The following NPEPPS variants were observed in gnomAD, a reference collection of about 807,000 sequenced individuals.
NPEPPS encodes puromycin-sensitive aminopeptidase.
A neutral mutation model predicts 115.5 loss-of-function variants in NPEPPS; 14 were observed. The observed-to-expected ratio is 0.12, with a 90% CI of 0.08 to 0.19. NPEPPS has a LOEUF of 0.19. Ranked by LOEUF, NPEPPS falls within the 10% of genes least tolerant of loss-of-function variation. The pLI is 1.00. For missense variants in NPEPPS, 523 were observed against 1,110.8 expected, an observed-to-expected ratio of 0.47 and a Z score of 7.52; for synonymous variants, 285 against 390.6, an observed-to-expected ratio of 0.73 and a Z score of 3.19.
At chr17:47,609,345 T>C (rs2143945006) in intron 17 of NPEPPS, among the ~76,000 whole-genome samples, 1 of 152,320 alleles carries the variant, frequency 6.6e-6, no homozygotes, top group South Asian at 2.1e-4. Context: ...CACTTTTCTT[T>C]CATGATGATA....
intron 19 of NPEPPS, among the ~76,000 whole-genome samples, chr17:47,617,620 TATTC>T (rs1189730622): frequency 5.6e-5 from 8 of 143,386 alleles, no homozygotes; most frequent in African/African-American, 1.3e-4. Flanking sequence ...ATAAGTACAG[TATTC>T]ATTTTCAATT....
chr17:47,531,988 T>C (rs552107332), intron 1 of NPEPPS, among the ~76,000 whole-genome samples: 29 of 152,236 alleles, frequency 1.9e-4, no homozygotes, highest in Non-Finnish European at 3.7e-4. Context: ...CTCAGTTCTT[T>C]CTTTGGTTTC....
chr17:47,606,109 T>G (rs921849927), intron 17 of NPEPPS, among the ~76,000 whole-genome samples: 7 of 152,178 alleles, frequency 4.6e-5, no homozygotes, highest in Admixed American at 1.3e-4. Context: ...ACCCCTGATC[T>G]CAGGTGATCC....
chr17:47,529,466 G>A (rs1242979911), upstream of NPEPPS, among the ~76,000 whole-genome samples: 3 of 148,030 alleles, frequency 2.0e-5, no homozygotes, highest in Admixed American at 6.8e-5. Flanking sequence ...GTGTAGTGGC[G>A]TGATCTTGGC....
intron 13 of NPEPPS, among the ~76,000 whole-genome samples, chr17:47,597,102 A>G (rs1912927083): frequency 6.6e-6 from 1 of 152,208 alleles, no homozygotes; most frequent in South Asian, 2.1e-4. Flanking sequence ...AACAGAATCA[A>G]ATGCAAATAG....
chr17:47,594,274 A>G (rs1912700574), intron 12 of NPEPPS, among the ~76,000 whole-genome samples: 1 of 152,246 alleles, frequency 6.6e-6, no homozygotes, highest in Non-Finnish European at 1.5e-5. Flanking sequence ...TACTATAGAT[A>G]TTATAAATAC....
intron 2 of NPEPPS, among the ~76,000 whole-genome samples, chr17:47,555,818 G>A (rs2143752888): frequency 6.6e-6 from 1 of 151,924 alleles, no homozygotes; most frequent in East Asian, 1.9e-4. Flanking sequence ...GGCCTACCAG[G>A]CTGGTCCAAG....
intron 3 of NPEPPS, 85 bp downstream of exon 3, chr17:47,569,579 T>C (rs1189346244): frequency 1.9e-5 from 15 of 793,348 alleles, no homozygotes; most frequent in Admixed American, 7.9e-5. Context: ...ATGCCATTTT[T>C]CCCCTCATTG....
intron 19 of NPEPPS, among the ~76,000 whole-genome samples, 169 bp downstream of exon 19, chr17:47,613,894 T>C (rs1220042525): frequency 7.3e-6 from 1 of 136,436 alleles, no homozygotes; most frequent in African/African-American, 3.1e-5. Context: ...ATATATGTTA[T>C]ATCAGTATTA....
At chr17:47,589,349 G>C (rs570946775) in intron 9 of NPEPPS, among the ~76,000 whole-genome samples, 2 of 152,090 alleles carry the variant, frequency 1.3e-5, no homozygotes, top group South Asian at 2.1e-4. Flanking sequence ...TCATCTTCCT[G>C]GGCTTATGTA....
At chr17:47,552,722 G>A (rs1311720732) in intron 2 of NPEPPS, among the ~76,000 whole-genome samples, 3 of 152,094 alleles carry the variant, frequency 2.0e-5, no homozygotes, top group African/African-American at 7.2e-5. Context: ...TAGAGGGAAC[G>A]TTTTATCTTC....
intron 17 of NPEPPS, among the ~76,000 whole-genome samples, chr17:47,611,364 G>A: frequency 6.6e-6 from 1 of 150,878 alleles, no homozygotes; most frequent in Non-Finnish European, 1.5e-5. Flanking sequence ...GAAGACTGAG[G>A]TAGAGAATTG....
chr17:47,578,837 A>C (rs1338017929), intron 3 of NPEPPS, among the ~76,000 whole-genome samples: 2 of 151,980 alleles, frequency 1.3e-5, no homozygotes, highest in Non-Finnish European at 2.9e-5. Context: ...AATTGGCTAC[A>C]TTTCTCTTTC....
chr17:47,544,084 C>T (rs1406644829), intron 1 of NPEPPS, among the ~76,000 whole-genome samples: 2 of 151,948 alleles, frequency 1.3e-5, no homozygotes, highest in South Asian at 2.1e-4. Context: ...TTAGTAGAGA[C>T]GGGGTTTCAC....
At chr17:47,585,118 C>T (rs372499287) in intron 5 of NPEPPS, among the ~76,000 whole-genome samples, 4 of 152,152 alleles carry the variant, frequency 2.6e-5, no homozygotes, top group African/African-American at 9.7e-5. Context: ...TGAGCCACCG[C>T]GCCTAGCCCC....
chr17:47,561,346 C>CAA (rs71365075), intron 2 of NPEPPS, among the ~76,000 whole-genome samples: 888 of 59,418 alleles, frequency 0.015, 24 homozygotes, highest in African/African-American at 0.027. Flanking sequence ...GACCCTGTCT[C>CAA]AAAAAAAAAA....
rs1914651778 is a variant in NPEPPS, at chr17:47,622,614, CACCCCCA to C, written c.*702_*708del. 3.6e-6 allele frequency: 1 copy of C among 280,888 alleles called. No homozygotes were observed. The highest frequency in any genetic ancestry group is 6.8e-6 in the Non-Finnish European group (1 of 147,592). 17.4% of individuals were successfully genotyped at this position (280,888 alleles called of 1,614,324 possible). A position where few individuals can be genotyped will look rare whatever the true frequency, so the allele number is the denominator to read the frequency against. On this transcript the variant is annotated 3_prime_UTR_variant, in exon 23 of 23. Coordinates refer to ENST00000322157, the MANE Select transcript of NPEPPS (RefSeq NM_006310.4). ...CTGGTTTTTTTCCTCCCTTTAGTTCCACCCCCAACCCCCATTCCCTGGTGTCCTTCTT... is the reference window on the plus strand; with the variant it reads ...CTGGTTTTTTTCCTCCCTTTAGTTCCACCCCCATTCCCTGGTGTCCTTCTT...
At chr17:47,599,804 T>G (rs1334894175) in intron 14 of NPEPPS, 65 bp downstream of exon 14, 1 of 1,286,640 alleles carries the variant, frequency 7.8e-7, no homozygotes, top group Non-Finnish European at 1.1e-6. Flanking sequence ...ACCAGTAGTA[T>G]TCCAACTAAT....
At position 47,555,103 on chromosome 17, in the gene NPEPPS, T is replaced by C. The variant is rs376118721; in HGVS notation, c.340+9110T>C. ...GCATTTCTTCATGTGCTCTATCCTA[T>C]TAACTTTATGGGTAACAAAATTATT... On this transcript the variant is annotated intron_variant, in intron 2 of 22. Transcript: ENST00000322157. Among the ~76,000 whole-genome samples, 9 of 152,326 alleles carry C rather than the reference T, an allele frequency of 5.9e-5. No homozygotes were observed. The South Asian group carries it at 1.5e-3, about 25-fold the overall frequency.
Sources: gnomAD v4.1 joint callset for allele counts (sites outside exome capture counted in the v4.1 genomes callset) on GRCh38, gnomAD v4.1.1 for gene constraint, MANE v1.5 for transcripts, NCBI Gene and HGNC (gene_info 2026-07-23, HGNC 2026-07-21) for gene names.